PLOD2: variants seen among roughly 807,000 people sequenced by gnomAD.
PLOD2 encodes procollagen-lysine,2-oxoglutarate 5-dioxygenase 2.
Under a neutral mutation model 101.0 loss-of-function variants are expected in PLOD2, and 65 were observed. The observed-to-expected ratio is 0.64, with a 90% CI of 0.53 to 0.79. The LOEUF is 0.79. PLOD2 is among the 30% of genes least tolerant of loss of function. PLOD2 has a pLI of 0.00. For synonymous variants in PLOD2, 314 were observed against 302.9 expected (o/e 1.04, Z -0.38); for missense variants, 909 against 914.6 (o/e 0.99, Z 0.08).
At chr3:146,150,179 C>T (rs1367623220) in intron 1 of PLOD2, among the ~76,000 whole-genome samples, 13 of 152,226 alleles carry the variant, frequency 8.5e-5, no homozygotes, top group South Asian at 4.1e-4. Context: ...TACACATATA[C>T]GTATGCACAT....
intron 1 of PLOD2, among the ~76,000 whole-genome samples, chr3:146,151,713 C>T (rs1471074826): frequency 6.6e-6 from 1 of 152,170 alleles, no homozygotes; most frequent in East Asian, 1.9e-4. Flanking sequence ...TTTATACATA[C>T]ATTATTTTCC....
chr3:146,085,195 A>G lies in PLOD2; in HGVS notation c.1206T>C (p.Thr402=), dbSNP rs200660605. The stretch of plus-strand genomic sequence containing the variant: ...TGTTTTGTTCAATCAAAATTTTTAA[A>G]GTCCTTGGATTTGTCAAAACAACAT... ...DADVVLTNPR[T]LKILIEQNRK... Residue 402 remains threonine, a synonymous_variant, in exon 11 of 20, where the codon ACT becomes ACC. Transcript: ENST00000282903. 2.9e-5 allele frequency: 46 copies of G among 1,582,272 alleles called. No individual in the cohort carries two copies. Among genetic ancestry groups the G allele is most frequent in the Non-Finnish European group, 3.9e-5 (45 of 1,152,186 alleles).
At chr3:146,102,501 GTTGTTATTAT>G (rs1312828212) in intron 7 of PLOD2, among the ~76,000 whole-genome samples, 1 of 152,220 alleles carries the variant, frequency 6.6e-6, no homozygotes, top group East Asian at 1.9e-4. Flanking sequence ...TCCCAAGTTA[GTTGTTATTAT>G]TTAATAAAAC....
intron 8 of PLOD2, among the ~76,000 whole-genome samples, chr3:146,091,413 T>C (rs1179321389): frequency 6.6e-6 from 1 of 151,916 alleles, no homozygotes; most frequent in Non-Finnish European, 1.5e-5. Flanking sequence ...TATAATCAGG[T>C]AGTATTAATT....
Position 146,143,255 on chromosome 3 carries a change from T to A in PLOD2, c.109+17626A>T, listed in dbSNP as rs113915592. Among the ~76,000 whole-genome samples, 291 of 151,892 alleles carry A rather than the reference T, an allele frequency of 1.9e-3. 2 individuals carry two copies. In the Middle Eastern group the frequency reaches 0.038, roughly 20 times the overall value. On this transcript the variant is annotated intron_variant, in intron 1 of 19. Coordinates refer to ENST00000282903, the MANE Select transcript of PLOD2 (RefSeq NM_182943.3). ...AAGTATTAAAATAAGAGTAAAGCAG[T>A]CACCAGAGTAACTCGTGTTTACAAT...
intron 11 of PLOD2, among the ~76,000 whole-genome samples, chr3:146,083,582 T>TC (rs1553730357): frequency 3.0e-5 from 3 of 98,598 alleles, no homozygotes; most frequent in Admixed American, 2.9e-4. Flanking sequence ...TTTTTCTTTT[T>TC]TTTTTTTTTT....
intron 4 of PLOD2, 146 bp from the exon 5 acceptor site, chr3:146,106,790 A>C: frequency 1.5e-6 from 1 of 676,032 alleles, no homozygotes; most frequent in Non-Finnish European, 2.7e-6. Flanking sequence ...CCATGAAAGA[A>C]ATATGAATTA....
chr3:146,118,722 G>A (rs1938038020), intron 3 of PLOD2, among the ~76,000 whole-genome samples: 1 of 151,892 alleles, frequency 6.6e-6, no homozygotes, highest in African/African-American at 2.4e-5. Flanking sequence ...AATTAGGAGA[G>A]TGAAATATTA....
intron 10 of PLOD2, chr3:146,085,494 A>G (rs995743812): frequency 7.4e-6 from 4 of 537,338 alleles, no homozygotes; most frequent in Non-Finnish European, 1.3e-5. Flanking sequence ...CTAAAATTTT[A>G]AGCCAGTTAA....
chr3:146,106,053 G>A (rs1937530003), intron 5 of PLOD2, among the ~76,000 whole-genome samples: 1 of 152,134 alleles, frequency 6.6e-6, no homozygotes, highest in Admixed American at 6.6e-5. Flanking sequence ...ACATTGTCTA[G>A]AATCTTTAGG....
intron 11 of PLOD2, among the ~76,000 whole-genome samples, chr3:146,083,782 T>C (rs549754968): frequency 6.6e-6 from 1 of 151,836 alleles, no homozygotes; most frequent in East Asian, 1.9e-4. Context: ...GGCGTTTCAC[T>C]GTGTTAGCCA....
intron 10 of PLOD2, chr3:146,086,097 T>C (rs1347316974): frequency 6.6e-6 from 1 of 152,222 alleles, no homozygotes; most frequent in African/African-American, 2.4e-5. Context: ...TTTCTGTCTA[T>C]CCCTAGACCC....
chr3:146,091,542 T>C lies in PLOD2; in HGVS notation c.879+258A>G, dbSNP rs1982381. ...GCTAACAGAATAAACACAAGAGCAC[T>C]CAATCGTAGTAAGCTATTAAATATT... is the stretch of plus-strand genomic sequence containing the variant. On this transcript the variant is annotated intron_variant, in intron 8 of 19. Transcript: ENST00000282903. Among the ~76,000 whole-genome samples, 150,353 of 151,910 alleles carry C rather than the reference T, an allele frequency of 0.99. 74,407 individuals carry two copies. Among genetic ancestry groups the C allele is most frequent in the Non-Finnish European group, 0.99 (67,319 of 67,754 alleles).
chr3:146,143,518 C>A (rs1707469), intron 1 of PLOD2, among the ~76,000 whole-genome samples: 102,829 of 151,772 alleles, frequency 0.68, 35,133 homozygotes, highest in East Asian at 0.8. Flanking sequence ...TAAACCTAGG[C>A]ACCATCCTCT....
intron 1 of PLOD2, among the ~76,000 whole-genome samples, chr3:146,135,703 A>C (rs1000675024): frequency 6.6e-6 from 1 of 152,156 alleles, no homozygotes; most frequent in African/African-American, 2.4e-5. Flanking sequence ...ATTTTAATGC[A>C]TGCACAAGTG....
At position 146,121,215 on chromosome 3, in the gene PLOD2, C is replaced by T. The variant is rs771961406; in HGVS notation, c.235G>A (p.Asp79Asn). The T allele has an allele frequency of 1.9e-6, 3 of 1,611,092 alleles. No individual in the cohort carries two copies. The highest frequency in any genetic ancestry group is 2.5e-6 in the Non-Finnish European group (3 of 1,177,416). Residue 79 changes from aspartate to asparagine, a missense_variant, in exon 3 of 20, where the codon GAT (aspartate) becomes AAT (asparagine). Physicochemically the swap from Asp to Asn is conservative, Grantham distance 23. Transcript: ENST00000282903. ...LGQGEEWRGG[D>N]GINSIGGGQK... ...CCCCCTCCAATACTATTAATTCCAT[C>T]ACCACCTCTCCATTCTTCTCCTTGA...
At chr3:146,141,969 ATG>A (rs1427735672) in intron 1 of PLOD2, among the ~76,000 whole-genome samples, 8 of 152,198 alleles carry the variant, frequency 5.3e-5, no homozygotes, top group Admixed American at 3.3e-4. Flanking sequence ...AGGTGAAGAA[ATG>A]TGTGTAACAG....
intron 1 of PLOD2, among the ~76,000 whole-genome samples, chr3:146,125,825 G>T (rs2030529770): frequency 2.0e-5 from 3 of 152,056 alleles, no homozygotes. Context: ...AACTGATTAT[G>T]AAAATTTAAC....
intron 1 of PLOD2, among the ~76,000 whole-genome samples, chr3:146,132,030 C>T (rs1307210924): frequency 6.6e-6 from 1 of 152,130 alleles, no homozygotes; most frequent in African/African-American, 2.4e-5. Context: ...AGAAAAAAGT[C>T]ACTTCCAACC....
Sources: allele counts gnomAD v4.1 joint callset (sites outside exome capture counted in the v4.1 genomes callset), GRCh38; gene constraint gnomAD v4.1.1; transcripts MANE v1.5; gene names NCBI Gene and HGNC (gene_info 2026-07-23, HGNC 2026-07-21).